Variants in TMEM132C observed in about 807,000 individuals in gnomAD.
The protein encoded by TMEM132C is transmembrane protein 132C.
Under a neutral mutation model 61.4 loss-of-function variants are expected in TMEM132C, and 29 were observed. That is an observed-to-expected ratio of 0.47 (90% confidence interval 0.35 to 0.64). TMEM132C has a LOEUF of 0.64. TMEM132C is among the 30% of genes least tolerant of loss of function. The pLI, the probability that TMEM132C is intolerant of heterozygous loss-of-function variation, is 0.00. For synonymous variants in TMEM132C, 656 were observed against 633.1 expected (o/e 1.04, Z -0.54); for missense variants, 1,408 against 1,476.9 (o/e 0.95, Z 0.76).
chr12:128,506,469 G>C (rs1872365398), intron 2 of TMEM132C, among the ~76,000 whole-genome samples: 1 of 152,210 alleles, frequency 6.6e-6, no homozygotes, highest in African/African-American at 2.4e-5. Flanking sequence ...AGATCTTCCA[G>C]GTTTCCTCTT....
chr12:128,420,019 C>G lies in TMEM132C; in HGVS notation c.974+4399C>G, dbSNP rs1713579. 5.3e-3 allele frequency among the ~76,000 whole-genome samples: 810 copies of G among 151,980 alleles called. 15 individuals are homozygous for G. Among genetic ancestry groups the G allele is most frequent in the African/African-American group, 0.019 (774 of 41,422 alleles). ...ACCAGCCTAGCCAACGTGGTGAAAC[C>G]CTGTCTCTACTAAAAATAAAAAAAA... On this transcript the variant is annotated intron_variant, in intron 2 of 8. Transcript: ENST00000435159.
chr12:128,486,995 A>G (rs1334412459), intron 2 of TMEM132C, among the ~76,000 whole-genome samples: 1 of 152,104 alleles, frequency 6.6e-6, no homozygotes, highest in Non-Finnish European at 1.5e-5. Flanking sequence ...TAATGATTCT[A>G]AGGCTGTAAA....
intron 1 of TMEM132C, among the ~76,000 whole-genome samples, chr12:128,350,757 G>A (rs563959116): frequency 2.0e-5 from 3 of 151,978 alleles, no homozygotes; most frequent in Non-Finnish European, 2.9e-5. Context: ...CTGAGCGCTC[G>A]ACCACCCAGA....
intron 3 of TMEM132C, among the ~76,000 whole-genome samples, chr12:128,586,798 C>T (rs1232486742): frequency 1.3e-5 from 2 of 152,228 alleles, no homozygotes; most frequent in East Asian, 3.8e-4. Flanking sequence ...ACGTCTGGCT[C>T]ATGCTGTGGG....
intron 3 of TMEM132C, among the ~76,000 whole-genome samples, chr12:128,605,267 A>G (rs2087424): frequency 0.66 from 100,009 of 151,910 alleles, 33,037 homozygotes; most frequent in South Asian, 0.72. Flanking sequence ...TTCTGAAGGT[A>G]TGAGGACCAG....
At chr12:128,286,062 C>CCTCTCTCT (rs138264526) in intron 1 of TMEM132C, among the ~76,000 whole-genome samples, 2 of 92,258 alleles carry the variant, frequency 2.2e-5, no homozygotes, top group Non-Finnish European at 4.7e-5. Context: ...TCTCTCCCTT[C>CCTCTCTCT]CTCTCTCTCT....
chr12:128,351,231 A>AT (rs1224705438), intron 1 of TMEM132C, among the ~76,000 whole-genome samples: 1 of 151,954 alleles, frequency 6.6e-6, no homozygotes, highest in African/African-American at 2.4e-5. Flanking sequence ...GACCTGGTTC[A>AT]TTTTTTTAAA....
chr12:128,452,370 G>T (rs1053938768), intron 2 of TMEM132C, among the ~76,000 whole-genome samples: 3 of 149,948 alleles, frequency 2.0e-5, no homozygotes, highest in Non-Finnish European at 3.0e-5. Context: ...AAAATGCTGG[G>T]ATTACAGGTG....
intron 3 of TMEM132C, among the ~76,000 whole-genome samples, chr12:128,558,876 C>T (rs1874415500): frequency 6.6e-6 from 1 of 152,204 alleles, no homozygotes; most frequent in Non-Finnish European, 1.5e-5. Flanking sequence ...TGTCACTTTC[C>T]TAAGGTATAT....
intron 1 of TMEM132C, among the ~76,000 whole-genome samples, chr12:128,307,890 G>A (rs552367123): frequency 1.2e-4 from 18 of 152,282 alleles, no homozygotes; most frequent in South Asian, 2.1e-4. Flanking sequence ...CCAACACCCT[G>A]CTTTACTTTA....
At chr12:128,540,616 G>C (rs1288949651) in intron 2 of TMEM132C, among the ~76,000 whole-genome samples, 1 of 152,130 alleles carries the variant, frequency 6.6e-6, no homozygotes, top group Non-Finnish European at 1.5e-5. Flanking sequence ...GTAGGTTGCT[G>C]CCCTCCCCTC....
chr12:128,645,876 G>A (rs1954192705), intron 4 of TMEM132C, among the ~76,000 whole-genome samples: 1 of 151,684 alleles, frequency 6.6e-6, no homozygotes, highest in African/African-American at 2.4e-5. Flanking sequence ...GGATGTGAGT[G>A]TGTTTACTGG....
At chr12:128,361,567 T>G (rs1406907717) in intron 1 of TMEM132C, among the ~76,000 whole-genome samples, 1 of 152,174 alleles carries the variant, frequency 6.6e-6, no homozygotes, top group Non-Finnish European at 1.5e-5. Flanking sequence ...GAGTACACAG[T>G]GATTGCTGGG....
At position 128,278,072 on chromosome 12, in the gene TMEM132C, C is replaced by G. The variant is rs1392000530; in HGVS notation, c.85+10585C>G. Among the ~76,000 whole-genome samples the G allele has an allele frequency of 6.6e-6, 1 of 152,084 alleles. No homozygotes were observed. The highest frequency in any genetic ancestry group is 2.4e-5 in the African/African-American group (1 of 41,420). ...GCTCACCCCCAGGACTGTGGGATCCCTGGGCTGAGTTGCTAAAGCCTGCCA... is the reference window on the plus strand; with the variant it reads ...GCTCACCCCCAGGACTGTGGGATCCGTGGGCTGAGTTGCTAAAGCCTGCCA... On this transcript the variant is annotated intron_variant, in intron 1 of 8. Transcript: ENST00000435159. The surrounding 1 kb of genome is among the most constrained non-coding windows in gnomAD (Gnocchi z 4.2).
Position 128,349,464 on chromosome 12 carries a change from G to A in TMEM132C, c.86-65268G>A, listed in dbSNP as rs1281430983. Among the ~76,000 whole-genome samples the A allele has an allele frequency of 7.9e-5, 12 of 152,140 alleles. 1 individual carries two copies. The highest frequency in any genetic ancestry group is 1.8e-4 in the Non-Finnish European group (12 of 68,034). ...AGCTTTCTTTCTAAAGTTATGTCTT[G>A]GATCACGGGGGTTGGGGGTTTATGC... is the stretch of plus-strand genomic sequence containing the variant. On this transcript the variant is annotated intron_variant, in intron 1 of 8. Coordinates refer to ENST00000435159, the MANE Select transcript of TMEM132C (RefSeq NM_001136103.3).
intron 3 of TMEM132C, among the ~76,000 whole-genome samples, chr12:128,594,584 C>T (rs1030910892): frequency 2.6e-5 from 4 of 152,270 alleles, no homozygotes; most frequent in Admixed American, 1.3e-4. Context: ...CCAAGCAAGG[C>T]TCGGAATTGG....
At chr12:128,398,178 A>T (rs1875028794) in intron 1 of TMEM132C, among the ~76,000 whole-genome samples, 1 of 152,236 alleles carries the variant, frequency 6.6e-6, no homozygotes, top group South Asian at 2.1e-4. Flanking sequence ...GGAGAAAAGT[A>T]CAGGGGCCTC....
intron 5 of TMEM132C, among the ~76,000 whole-genome samples, chr12:128,678,882 C>T (rs1056232556): frequency 2.6e-5 from 4 of 152,196 alleles, no homozygotes; most frequent in Non-Finnish European, 4.4e-5. Flanking sequence ...TGTGGGAGGA[C>T]GCTCATTGCC....
chr12:128,602,666 A>G (rs145918265), intron 3 of TMEM132C, among the ~76,000 whole-genome samples: 1 of 152,318 alleles, frequency 6.6e-6, no homozygotes, highest in East Asian at 1.9e-4. Context: ...CCTGCAAGAA[A>G]CTGAGGCCAG....
Sources: allele counts gnomAD v4.1 joint callset (sites outside exome capture counted in the v4.1 genomes callset), GRCh38; gene constraint gnomAD v4.1.1; non-coding constraint Gnocchi (gnomAD v3.1); transcripts MANE v1.5; gene names NCBI Gene and HGNC (gene_info 2026-07-23, HGNC 2026-07-21).